HEPH: variants seen among roughly 807,000 people sequenced by gnomAD.
HEPH encodes the protein hephaestin.
A neutral mutation model predicts 80.8 loss-of-function variants in HEPH; 69 were observed. That is an observed-to-expected ratio of 0.85 (90% confidence interval 0.70 to 1.04). The LOEUF (loss-of-function observed/expected upper bound fraction) is 1.04. Among genes scored for constraint, HEPH ranks in the 50% least tolerant of loss-of-function variants. HEPH has a pLI of 0.00. For synonymous variants in HEPH, 431 were observed against 322.8 expected (o/e 1.34, Z -3.60); for missense variants, 1,115 against 891.3 (o/e 1.25, Z -3.20).
At chrX:66,211,615 T>C (rs2089124600) in intron 15 of HEPH, among the ~76,000 whole-genome samples, 1 of 111,846 alleles carries the variant, frequency 8.9e-6, no homozygotes, top group Admixed American at 9.5e-5. Context: ...GTCTGGTTTA[T>C]TTTACTTAAG....
rs1228015164 is a variant in HEPH, at chrX:66,189,793, A to G, written c.918A>G (p.Ala306=). 8.3e-7 allele frequency: 1 copy of G among 1,211,084 alleles called. No individual in the cohort carries two copies. Among genetic ancestry groups the G allele is most frequent in the Non-Finnish European group, 1.1e-6 (1 of 895,363 alleles). ...GCAATGAAATTGATGTCCACACAGCATTTTTCCATGGACAGATGCTGACTA... is the reference window on the plus strand; with the variant it reads ...GCAATGAAATTGATGTCCACACAGCGTTTTTCCATGGACAGATGCTGACTA... The part of the protein sequence containing the change: ...GMGNEIDVHT[A]FFHGQMLTTR... Residue 306 remains alanine, a synonymous_variant, in exon 6 of 21, where the codon GCA becomes GCG. Coordinates refer to ENST00000343002, the MANE Select transcript of HEPH (RefSeq NM_001367233.3).
Position 66,256,140 on chromosome X carries a change from C to T in HEPH, c.2706C>T (p.Ile902=). ...MYSGLVGPLA[I]CQKGILEPHG... ...GTGGCCTGGTGGGGCCCTTGGCTATCTGCCAAAAGGGCATCCTGGAGCCCC... is the reference window on the plus strand; with the variant it reads ...GTGGCCTGGTGGGGCCCTTGGCTATTTGCCAAAAGGGCATCCTGGAGCCCC... The change falls in exon 17 of 21, where the codon ATC becomes ATT. Residue 902 remains isoleucine (I), a synonymous_variant. Coordinates refer to ENST00000343002, the MANE Select transcript of HEPH (RefSeq NM_001367233.3). 3 of 1,210,761 alleles carry T rather than the reference C, an allele frequency of 2.5e-6. No homozygotes were observed. Among genetic ancestry groups the T allele is most frequent in the Non-Finnish European group, 3.4e-6 (3 of 894,643 alleles).
rs150453087 is a variant in HEPH, at chrX:66,203,109, T to C, written c.2078-255T>C. Among the ~76,000 whole-genome samples the C allele has an allele frequency of 6.6e-3, 720 of 109,783 alleles. 1 individual carries two copies. The highest frequency in any genetic ancestry group is 0.022 in the African/African-American group (672 of 30,114). On this transcript the variant is annotated intron_variant, in intron 12 of 20. Coordinates refer to ENST00000343002, the MANE Select transcript of HEPH (RefSeq NM_001367233.3). ...CTAGAAACACCCTGGAAGAAGTTGG[T>C]TATTCTAGCGGCAGAGTTTAGTTTT... is the stretch of plus-strand genomic sequence containing the variant.
chrX:66,195,924 C>G (rs1030892141), intron 9 of HEPH, among the ~76,000 whole-genome samples: 1 of 111,256 alleles, frequency 9.0e-6, no homozygotes, highest in African/African-American at 3.3e-5. Context: ...TCTAGCCAAA[C>G]TATAAAAGAA....
rs1313252707 is a variant in HEPH at position 66,173,637 on chromosome X, C to G, written c.461C>G (p.Ser154Cys). 2 of 1,209,137 alleles carry G rather than the reference C, an allele frequency of 1.7e-6. No homozygotes were observed. The highest frequency in any genetic ancestry group is 4.4e-5 in the Admixed American group (2 of 45,664). Residue 154 changes from serine (S) to cysteine (C), a missense_variant, in exon 4 of 21, where the codon TCT becomes TGT. Physicochemically the swap from Ser to Cys is moderately radical, Grantham distance 112. Transcript: ENST00000343002. Reference sequence around the variant, plus strand: ...TCTGGGCCACTGAAAGCTGATGACTCTGTTCCCCCGGGGGGCAGCCATATC... The same window carrying G: ...TCTGGGCCACTGAAAGCTGATGACTGTGTTCCCCCGGGGGGCAGCCATATC... ...GSSGPLKADD[S>C]VPPGGSHIYN... is the part of the protein sequence containing the mutation.
intron 15 of HEPH, among the ~76,000 whole-genome samples, chrX:66,239,741 T>A: frequency 8.9e-6 from 1 of 111,970 alleles, no homozygotes; most frequent in Non-Finnish European, 1.9e-5. Flanking sequence ...AAATTTAAAT[T>A]AAAACTTTAT....
chrX:66,237,963 T>A lies in HEPH; in HGVS notation c.2564-17072T>A, dbSNP rs754220377. The stretch of plus-strand genomic sequence containing the variant: ...ACCCCTGCTTCTTTGTGTTTCCATT[T>A]GCTTGGTAGATTTTTTTCATCCCTT... On this transcript the variant is annotated intron_variant, in intron 15 of 20. Coordinates refer to ENST00000343002, the MANE Select transcript of HEPH (RefSeq NM_001367233.3). Among the ~76,000 whole-genome samples, 9 of 112,172 alleles carry A rather than the reference T, an allele frequency of 8.0e-5. No individual in the cohort carries two copies. In the Admixed American group the frequency reaches 8.5e-4, roughly 11 times the overall value.
rs773395765 is a variant in HEPH at position 66,203,582 on chromosome X, G to T, written c.2291+5G>T. On this transcript the variant is annotated splice_donor_5th_base_variant and intron_variant, in intron 13 of 20. Coordinates refer to ENST00000343002, the MANE Select transcript of HEPH (RefSeq NM_001367233.3). The stretch of plus-strand genomic sequence containing the variant: ...CAACCAGTCTGAGAAGGACAGGTAA[G>T]GCTTCATAAATGGAGAGATTACACT... 24 of 1,199,114 alleles carry T rather than the reference G, an allele frequency of 2.0e-5. No homozygotes were observed. The Admixed American group carries it at 3.3e-4, about 17-fold the overall frequency.
chrX:66,213,171 C>T (rs1261540566), intron 15 of HEPH, among the ~76,000 whole-genome samples: 1 of 109,587 alleles, frequency 9.1e-6, no homozygotes, highest in African/African-American at 3.3e-5. Context: ...TCTCCCAATG[C>T]TATCCCTCCC....
chrX:66,205,060 C>A (rs1025917918), intron 13 of HEPH, among the ~76,000 whole-genome samples: 2 of 111,522 alleles, frequency 1.8e-5, no homozygotes, highest in Admixed American at 1.9e-4. Flanking sequence ...GTTTTTCAAC[C>A]GTTTTCCGCA....
intron 15 of HEPH, among the ~76,000 whole-genome samples, chrX:66,233,305 A>G (rs1412186102): frequency 9.0e-6 from 1 of 111,619 alleles, no homozygotes; most frequent in African/African-American, 3.3e-5. Flanking sequence ...AAAGGCATCC[A>G]TCACTGCCTT....
chrX:66,258,149 C>T (rs752998130), intron 17 of HEPH, among the ~76,000 whole-genome samples: 1 of 111,658 alleles, frequency 9.0e-6, no homozygotes, highest in African/African-American at 3.3e-5. Context: ...TTCTTTCCTG[C>T]ATATTAGGAA....
intron 1 of HEPH, among the ~76,000 whole-genome samples, chrX:66,166,906 T>C (rs1424234263): frequency 1.8e-5 from 2 of 112,243 alleles, no homozygotes; most frequent in African/African-American, 6.5e-5. Flanking sequence ...ATTCATAAAA[T>C]GGAAAATCTT....
intron 4 of HEPH, among the ~76,000 whole-genome samples, chrX:66,177,280 A>G (rs942845657): frequency 1.3e-4 from 14 of 111,875 alleles, no homozygotes. Flanking sequence ...CTCTTGTGAA[A>G]TAGTGTCAAA....
At chrX:66,228,748 C>A (rs2089996097) in intron 15 of HEPH, among the ~76,000 whole-genome samples, 1 of 111,750 alleles carries the variant, frequency 8.9e-6, no homozygotes, top group South Asian at 3.7e-4. Flanking sequence ...AGAAGATATA[C>A]AAATGGCCAA....
Position 66,266,830 on chromosome X carries a change from A to T in HEPH, c.*158A>T, listed in dbSNP as rs2091555513. On this transcript the variant is annotated 3_prime_UTR_variant, in exon 21 of 21. Transcript: ENST00000343002. ...GGATATTTCTTTCTTTATTTATTTT[A>T]CATGGAAATAATATGATTTCACTTT... The T allele has an allele frequency of 2.3e-6, 1 of 428,780 alleles. No individual in the cohort carries two copies. Among genetic ancestry groups the T allele is most frequent in the Non-Finnish European group, 4.0e-6 (1 of 248,063 alleles). The allele number at this position is 428,780 out of a possible 1,213,427, so 35.3% of individuals were successfully genotyped here. A position where few individuals can be genotyped will look rare whatever the true frequency, so the allele number is the denominator to read the frequency against.
chrX:66,193,665 C>T (rs1039193233), intron 8 of HEPH, 27 bp downstream of exon 8: 1 of 1,136,699 alleles, frequency 8.8e-7, no homozygotes, highest in Non-Finnish European at 1.2e-6. Flanking sequence ...TTATGAAATT[C>T]ATTTACTAGA....
At chrX:66,232,011 CT>C (rs1355062911) in intron 15 of HEPH, among the ~76,000 whole-genome samples, 2 of 109,370 alleles carry the variant, frequency 1.8e-5, no homozygotes, top group Non-Finnish European at 3.8e-5. Flanking sequence ...TTGTCAAAGG[CT>C]TTTTCTGCAT....
intron 15 of HEPH, among the ~76,000 whole-genome samples, chrX:66,223,562 A>C (rs1161421816): frequency 9.0e-6 from 1 of 111,587 alleles, no homozygotes; most frequent in Non-Finnish European, 1.9e-5. Flanking sequence ...ACCTTTTATA[A>C]TCTTTGTTAA....
Sources: allele counts gnomAD v4.1 joint callset (sites outside exome capture counted in the v4.1 genomes callset), GRCh38; gene constraint gnomAD v4.1.1; transcripts MANE v1.5; gene names NCBI Gene and HGNC (gene_info 2026-07-23, HGNC 2026-07-21).